Variants in SLC12A6 observed in about 807,000 individuals in gnomAD.
SLC12A6 encodes the protein solute carrier family 12 member 6, also known as K-Cl cotransporter 3.
A neutral mutation model predicts 135.3 loss-of-function variants in SLC12A6; 66 were observed. The observed-to-expected ratio is 0.49, with a 90% CI of 0.40 to 0.60. SLC12A6 has a LOEUF of 0.60. SLC12A6 is among the 20% of genes least tolerant of loss of function. The pLI is 0.00. For synonymous variants in SLC12A6, 513 were observed against 508.8 expected, an observed-to-expected ratio of 1.01 and a Z score of -0.11; for missense variants, 1,058 against 1,452.3, an observed-to-expected ratio of 0.73 and a Z score of 4.41.
Position 34,255,359 on chromosome 15 carries a change from A to G in SLC12A6, c.779T>C (p.Leu260Pro). 1 of 1,610,380 alleles carries G rather than the reference A, an allele frequency of 6.2e-7. No individual in the cohort carries two copies. The highest frequency in any genetic ancestry group is 8.5e-7 in the Non-Finnish European group (1 of 1,176,500). ...AACAGCCCCACCAAACTCTGGGCCC[A>G]GTGCCCGGGAAATCATAAAGTATGA... Reference protein sequence around the residue: ...GGSYFMISRALGPEFGGAVGL... With the variant: ...GGSYFMISRAPGPEFGGAVGL... The change falls in exon 8 of 26, where the codon CTG becomes CCG. Residue 260 changes from leucine (L) to proline (P), a missense_variant. Transcript: ENST00000354181.
intron 3 of SLC12A6, among the ~76,000 whole-genome samples, chr15:34,264,653 A>G (rs779680018): frequency 6.6e-6 from 1 of 152,184 alleles, no homozygotes; most frequent in Non-Finnish European, 1.5e-5. Context: ...GAGAAAATAT[A>G]TCACTCTTTT....
At position 34,239,847 on chromosome 15, in the gene SLC12A6, A is replaced by G. The variant is rs373531905; in HGVS notation, c.2437-687T>C. Among the ~76,000 whole-genome samples the G allele has an allele frequency of 2.8e-4, 42 of 152,286 alleles. No homozygotes were observed. In the South Asian group the frequency reaches 8.5e-3, roughly 31 times the overall value. ...AAGAACTAGGCTCTCCTGATTTTCA[A>G]TCCTGTGTACCTTTTATTAATTTTT... is the stretch of plus-strand genomic sequence containing the variant. On this transcript the variant is annotated intron_variant, in intron 19 of 25. Transcript: ENST00000354181.
At chr15:34,251,788 T>A (rs1348430528) in intron 10 of SLC12A6, among the ~76,000 whole-genome samples, 4 of 152,310 alleles carry the variant, frequency 2.6e-5, no homozygotes, top group Middle Eastern at 3.4e-3. Context: ...TAAGGAATGT[T>A]TCAGGAATTT....
intron 2 of SLC12A6, among the ~76,000 whole-genome samples, chr15:34,321,600 C>T (rs1483843851): frequency 1.3e-5 from 2 of 152,204 alleles, no homozygotes; most frequent in African/African-American, 4.8e-5. Context: ...TATAATCTGG[C>T]AATTCCACTC....
At chr15:34,288,054 T>C (rs948809540) in intron 2 of SLC12A6, among the ~76,000 whole-genome samples, 2 of 152,236 alleles carry the variant, frequency 1.3e-5, no homozygotes, top group South Asian at 2.1e-4. Context: ...TCTTTGCCTA[T>C]GCCTGTGTCC....
chr15:34,288,810 C>T (rs541640382), intron 2 of SLC12A6, among the ~76,000 whole-genome samples: 45 of 152,132 alleles, frequency 3.0e-4, no homozygotes, highest in Non-Finnish European at 5.3e-4. Context: ...TATAGGAATG[C>T]CTGTGATTTC....
chr15:34,240,574 AAG>A lies in SLC12A6; in HGVS notation c.2436+85_2436+86del, dbSNP rs1392547744. The A allele has an allele frequency of 6.9e-6, 8 of 1,160,532 alleles. No homozygotes were observed. In the African/African-American group the frequency reaches 1.2e-4, roughly 17 times the overall value. The allele number at this position is 1,160,532 out of a possible 1,614,324, so 71.9% of individuals were successfully genotyped here. A position where few individuals can be genotyped will look rare whatever the true frequency, so the allele number is the denominator to read the frequency against. ...GAAACCTCCTAGATCACTCAGGAACAAGATTCAAGTAGAAGTTTGAGGTCTTA... is the reference window on the plus strand; with the variant it reads ...GAAACCTCCTAGATCACTCAGGAACAATTCAAGTAGAAGTTTGAGGTCTTA... On this transcript the variant is annotated intron_variant, in intron 19 of 25. Transcript: ENST00000354181.
At chr15:34,282,630 G>A (rs1894762756) in intron 2 of SLC12A6, among the ~76,000 whole-genome samples, 1 of 152,124 alleles carries the variant, frequency 6.6e-6, no homozygotes, top group South Asian at 2.1e-4. Context: ...GTGTGTGCCT[G>A]TCATCTCAGC....
chr15:34,251,186 T>G (rs572132695), intron 10 of SLC12A6, 129 bp from the exon 11 acceptor site: 25 of 720,488 alleles, frequency 3.5e-5, no homozygotes, highest in South Asian at 3.0e-4. Flanking sequence ...TGCTTCTACA[T>G]GAGCACATGT....
chr15:34,274,815 A>T (rs1753264861), intron 3 of SLC12A6, among the ~76,000 whole-genome samples: 1 of 152,156 alleles, frequency 6.6e-6, no homozygotes, highest in South Asian at 2.1e-4. Flanking sequence ...CTGTCTCAAA[A>T]AAAAAAAGAG....
At chr15:34,313,719 C>T (rs1052158347) in intron 2 of SLC12A6, among the ~76,000 whole-genome samples, 12 of 152,180 alleles carry the variant, frequency 7.9e-5, no homozygotes, top group African/African-American at 2.9e-4. Context: ...CTTCAAAGGA[C>T]AGGTTGCCTC....
At chr15:34,288,961 T>A (rs968524887) in intron 2 of SLC12A6, among the ~76,000 whole-genome samples, 3 of 152,196 alleles carry the variant, frequency 2.0e-5, no homozygotes, top group African/African-American at 4.8e-5. Context: ...CTCTTCCTAT[T>A]TGAATATCCC....
intron 10 of SLC12A6, 133 bp downstream of exon 10, chr15:34,252,037 C>G (rs986090827): frequency 1.5e-6 from 1 of 667,272 alleles, no homozygotes; most frequent in African/African-American, 1.8e-5. Flanking sequence ...GAATTAAGAG[C>G]TGTGTGGTGT....
At chr15:34,327,442 A>G (rs1225221109) in intron 2 of SLC12A6, among the ~76,000 whole-genome samples, 1 of 152,120 alleles carries the variant, frequency 6.6e-6, no homozygotes, top group Non-Finnish European at 1.5e-5. Flanking sequence ...CGAGGCAGAC[A>G]GATCATGAGG....
rs940292631 is a variant in SLC12A6 at position 34,336,623 on chromosome 15, T to C, written c.58A>G (p.Thr20Ala). The C allele has an allele frequency of 1.2e-6, 2 of 1,613,842 alleles. No homozygotes were observed. Among genetic ancestry groups the C allele is most frequent in the Non-Finnish European group, 1.7e-6 (2 of 1,179,768 alleles). Residue 20 changes from threonine (T) to alanine (A), a missense_variant, in exon 2 of 26, where the codon ACA (threonine) becomes GCA (alanine). Thr to Ala is a moderately conservative substitution (Grantham distance 58). Around this residue, in one of 6 missense-constraint regions of SLC12A6, gnomAD observed 176 missense variants for 168.9 expected, o/e 1.04. Coordinates refer to ENST00000354181, the MANE Select transcript of SLC12A6 (RefSeq NM_001365088.1). ...MASVRFMVTP[T>A]KIDDIPGLSD... ...AAACCTGGAATGTCATCGATCTTTG[T>C]CGGTGTCACCATGAACCGAACTGAA...
At chr15:34,296,682 T>G (rs1895897111) in intron 2 of SLC12A6, among the ~76,000 whole-genome samples, 1 of 152,194 alleles carries the variant, frequency 6.6e-6, no homozygotes, top group African/African-American at 2.4e-5. Context: ...GATGCGTTGC[T>G]AATGCAGCAG....
At chr15:34,249,369 G>A (rs1328289897) in intron 13 of SLC12A6, among the ~76,000 whole-genome samples, 1 of 152,028 alleles carries the variant, frequency 6.6e-6, no homozygotes, top group Admixed American at 6.6e-5. Context: ...AGACCATCCT[G>A]GACAACATAG....
chr15:34,305,076 C>CCTA (rs1228414815), intron 2 of SLC12A6, among the ~76,000 whole-genome samples: 1 of 152,168 alleles, frequency 6.6e-6, no homozygotes, highest in Non-Finnish European at 1.5e-5. Context: ...TCTACCATCT[C>CCTA]CTAGTTTCCA....
At chr15:34,309,266 C>T (rs952618162) in intron 2 of SLC12A6, among the ~76,000 whole-genome samples, 5 of 152,062 alleles carry the variant, frequency 3.3e-5, no homozygotes, top group African/African-American at 1.2e-4. Flanking sequence ...TTAACCTATG[C>T]CATATGTCTA....
Sources: allele counts gnomAD v4.1 joint callset (sites outside exome capture counted in the v4.1 genomes callset), GRCh38; gene constraint gnomAD v4.1.1; regional missense constraint gnomAD v4.1.1; transcripts MANE v1.5; gene names NCBI Gene and HGNC (gene_info 2026-07-23, HGNC 2026-07-21).